The following COLGALT2 variants were observed in gnomAD, a reference collection of about 807,000 sequenced individuals.
COLGALT2 encodes collagen beta(1-O)galactosyltransferase 2.
A neutral mutation model predicts 73.4 loss-of-function variants in COLGALT2; 49 were observed. The ratio of observed to expected loss-of-function variants is 0.67; its 90% CI spans 0.53 to 0.85. COLGALT2 has a LOEUF of 0.85. Ranked by LOEUF, COLGALT2 falls within the 40% of genes least tolerant of loss-of-function variation. The pLI is 0.00. For missense variants in COLGALT2, 722 were observed against 790.2 expected, an observed-to-expected ratio of 0.91 and a Z score of 1.03; for synonymous variants, 295 against 307.6, an observed-to-expected ratio of 0.96 and a Z score of 0.43.
At chr1:184,037,026 G>A in intron 1 of COLGALT2, 69 bp downstream of exon 1, 1 of 1,270,002 alleles carries the variant, frequency 7.9e-7, no homozygotes, top group Non-Finnish European at 1.0e-6. Flanking sequence ...TGCTGCTCCG[G>A]GCGCTGTCCG....
chr1:183,954,413 C>T (rs1273303435), intron 7 of COLGALT2, among the ~76,000 whole-genome samples: 3 of 152,128 alleles, frequency 2.0e-5, no homozygotes, highest in Non-Finnish European at 4.4e-5. Flanking sequence ...TTAAAGTCCT[C>T]CATATCTAAA....
intron 8 of COLGALT2, 97 bp downstream of exon 8, chr1:183,950,910 G>A (rs1479936835): frequency 8.2e-6 from 7 of 855,028 alleles, no homozygotes; most frequent in African/African-American, 1.7e-5. Context: ...TCTAATGACC[G>A]AAGAGACTTA....
At chr1:184,030,009 A>G (rs1230145906) in intron 1 of COLGALT2, among the ~76,000 whole-genome samples, 1 of 152,248 alleles carries the variant, frequency 6.6e-6, no homozygotes, top group Non-Finnish European at 1.5e-5. Context: ...ATATGAAAGA[A>G]AGTGTTAATA....
At chr1:184,014,116 T>C (rs1035958514) in intron 1 of COLGALT2, among the ~76,000 whole-genome samples, 5 of 151,796 alleles carry the variant, frequency 3.3e-5, no homozygotes, top group Non-Finnish European at 5.9e-5. Flanking sequence ...GAATAGAGAG[T>C]TGGGAGTCAT....
intron 6 of COLGALT2, among the ~76,000 whole-genome samples, chr1:183,959,947 G>A (rs889448195): frequency 3.9e-5 from 6 of 151,968 alleles, no homozygotes; most frequent in Admixed American, 6.6e-5. Flanking sequence ...TTCCACTTGA[G>A]ACATTCTTCA....
chr1:183,944,830 A>C (rs73049236), intron 9 of COLGALT2, among the ~76,000 whole-genome samples: 4,557 of 152,324 alleles, frequency 0.03, 206 homozygotes, highest in African/African-American at 0.1. Flanking sequence ...CATTTCACTT[A>C]AAGTTTAAAG....
At chr1:184,033,937 T>C in intron 1 of COLGALT2, among the ~76,000 whole-genome samples, 1 of 152,242 alleles carries the variant, frequency 6.6e-6, no homozygotes. Context: ...TCTGGGTAGC[T>C]CACAGCCATT....
In COLGALT2 at chr1:183,937,472, G is replaced by C. The variant is rs1437999213; in HGVS notation, c.*1289C>G. The stretch of plus-strand genomic sequence containing the variant: ...CTCTTAGGGGATATCTTTTGAGAAA[G>C]GGTGTCCGCCTGGGATTCTAAGAGC... On this transcript the variant is annotated 3_prime_UTR_variant, in exon 12 of 12. Transcript: ENST00000361927. The C allele has an allele frequency of 1.0e-6, 1 of 985,472 alleles. No homozygotes were observed. The highest frequency in any genetic ancestry group is 1.2e-6 in the Non-Finnish European group (1 of 830,080). The allele number at this position is 985,472 out of a possible 1,614,324, so 61.0% of individuals were successfully genotyped here. A position where few individuals can be genotyped will look rare whatever the true frequency, so the allele number is the denominator to read the frequency against.
At chr1:183,958,917 C>T (rs1670623393) in intron 6 of COLGALT2, among the ~76,000 whole-genome samples, 1 of 151,690 alleles carries the variant, frequency 6.6e-6, no homozygotes, top group Admixed American at 6.6e-5. Context: ...GACCTCTTAC[C>T]CCCAACAGCC....
intron 1 of COLGALT2, among the ~76,000 whole-genome samples, chr1:183,991,841 C>G (rs1276464699): frequency 6.6e-6 from 1 of 151,994 alleles, no homozygotes; most frequent in African/African-American, 2.4e-5. Flanking sequence ...TCAGGGCAAA[C>G]AGGAGGCTAT....
intron 1 of COLGALT2, among the ~76,000 whole-genome samples, chr1:184,015,552 G>A (rs1005361002): frequency 1.3e-5 from 2 of 152,212 alleles, no homozygotes; most frequent in African/African-American, 2.4e-5. Flanking sequence ...GAATGTCTCC[G>A]CATGTTTGCA....
In COLGALT2 at chr1:183,944,250, T is replaced by C. The variant is rs973730248; in HGVS notation, c.1343A>G (p.Lys448Arg). 4.3e-6 allele frequency: 7 copies of C among 1,613,918 alleles called. No homozygotes were observed. The highest frequency in any genetic ancestry group is 1.7e-5 in the Admixed American group (1 of 59,962). Residue 448 changes from lysine (K) to arginine (R), a missense_variant, in exon 10 of 12, where the codon AAG (lysine) becomes AGG (arginine). Transcript: ENST00000361927. ...AATGTTATCCATCAGCTTCATCAGC[T>C]TCTTCTTAAACTGATGCTCAAAACG... ...DVRFEHQFKK[K>R]LMKLMDNIDQ...
chr1:183,945,670 C>A (rs1670230739), intron 8 of COLGALT2, 106 bp from the exon 9 acceptor site: 3 of 1,323,436 alleles, frequency 2.3e-6, no homozygotes, highest in East Asian at 2.3e-5. Flanking sequence ...CCCACACAGA[C>A]AAAGACAGAG....
intron 11 of COLGALT2, 28 bp downstream of exon 11, chr1:183,940,553 G>A (rs1461280092): frequency 6.2e-7 from 1 of 1,602,698 alleles, no homozygotes; most frequent in East Asian, 2.2e-5. Context: ...TGTGCCCAAG[G>A]GAAGGCAGGC....
intron 1 of COLGALT2, among the ~76,000 whole-genome samples, chr1:184,001,174 G>A (rs1175156565): frequency 6.6e-6 from 1 of 152,036 alleles, no homozygotes; most frequent in African/African-American, 2.4e-5. Flanking sequence ...TTTGATATTT[G>A]CTCTTGAAAA....
At chr1:184,032,481 T>G (rs1317693875) in intron 1 of COLGALT2, among the ~76,000 whole-genome samples, 1 of 152,244 alleles carries the variant, frequency 6.6e-6, no homozygotes, top group African/African-American at 2.4e-5. Flanking sequence ...GGTTTACTGA[T>G]GTGCCCACAA....
At chr1:183,994,352 T>G (rs950221582) in intron 1 of COLGALT2, among the ~76,000 whole-genome samples, 1 of 151,800 alleles carries the variant, frequency 6.6e-6, no homozygotes, top group African/African-American at 2.4e-5. Flanking sequence ...CTTTAATTCT[T>G]ACAACATCCT....
rs1463487458 is a variant in COLGALT2 at position 183,954,805 on chromosome 1, A to AGGGTTGTCCCTCT, written c.985_986insAGAGGGACAACCC (p.Val329GlufsTer10). ...GTCTGGATATTTAGGGACAACTGAG[A>AGGGTTGTCCCTCT]CATACTGGGAGGGTTCCATTGGAGG... On this transcript the variant is annotated frameshift_variant, in exon 7 of 12. Transcript: ENST00000361927. LOFTEE classifies it high-confidence loss of function. The AGGGTTGTCCCTCT allele has an allele frequency of 5.6e-6, 9 of 1,613,428 alleles. No individual in the cohort carries two copies. Among genetic ancestry groups the AGGGTTGTCCCTCT allele is most frequent in the Non-Finnish European group, 7.6e-6 (9 of 1,179,470 alleles).
At chr1:183,992,022 C>T (rs1024062721) in intron 1 of COLGALT2, among the ~76,000 whole-genome samples, 2 of 152,150 alleles carry the variant, frequency 1.3e-5, no homozygotes, top group Non-Finnish European at 2.9e-5. Context: ...GCCTTTACTA[C>T]TCACTGCTCT....
Sources: gnomAD v4.1 joint callset for allele counts (sites outside exome capture counted in the v4.1 genomes callset) on GRCh38, gnomAD v4.1.1 for gene constraint, MANE v1.5 for transcripts, NCBI Gene and HGNC (gene_info 2026-07-23, HGNC 2026-07-21) for gene names.